Variants in NKAIN3 observed in about 807,000 individuals in gnomAD.
NKAIN3 encodes sodium/potassium-transporting ATPase subunit beta-1-interacting protein 3.
NKAIN3 carries 25 observed loss-of-function variants against 30.2 expected under a neutral mutation model. The ratio of observed to expected loss-of-function variants is 0.83; its 90% CI spans 0.60 to 1.16. The LOEUF is 1.16. NKAIN3 is among the 50% of genes most tolerant of loss of function. NKAIN3 has a pLI of 0.00. For missense variants in NKAIN3, 225 were observed against 254.1 expected (o/e 0.89, Z 0.78); for synonymous variants, 91 against 89.6 (o/e 1.02, Z -0.09).
intron 3 of NKAIN3, among the ~76,000 whole-genome samples, chr8:62,732,847 C>T (rs1471027077): frequency 6.6e-6 from 1 of 151,974 alleles, no homozygotes; most frequent in East Asian, 1.9e-4. Context: ...ACTTTCAATA[C>T]TTCTGTGTCC....
intron 1 of NKAIN3, among the ~76,000 whole-genome samples, chr8:62,456,352 C>T (rs1218393105): frequency 6.6e-6 from 1 of 151,952 alleles, no homozygotes; most frequent in Non-Finnish European, 1.5e-5. Flanking sequence ...AACCCCATCT[C>T]TACTAAAAAT....
At chr8:62,772,907 C>T (rs1290913010) in intron 4 of NKAIN3, among the ~76,000 whole-genome samples, 2 of 152,132 alleles carry the variant, frequency 1.3e-5, no homozygotes, top group African/African-American at 4.8e-5. Context: ...GATCTACCCA[C>T]CTCACCCTCC....
At chr8:62,870,214 A>ATATATATCTATATCTATATATAGATATC (rs1820559626) in intron 4 of NKAIN3, among the ~76,000 whole-genome samples, 2 of 67,390 alleles carry the variant, frequency 3.0e-5, no homozygotes, top group African/African-American at 1.2e-4. Context: ...TTTTGTATAT[A>ATATATATCTATATCTATATATAGATATC]TATATCTATA....
chr8:62,552,813 T>G lies in NKAIN3; in HGVS notation c.55-26726T>G, dbSNP rs138484620. 7.2e-4 allele frequency among the ~76,000 whole-genome samples: 109 copies of G among 152,314 alleles called. 1 individual carries two copies. In the Middle Eastern group the frequency reaches 0.024, roughly 33 times the overall value. ...TGTGCCCTAATGTGCAACAACACAA[T>G]CACTAGAAGGTGATTCTGAAAGCAG... On this transcript the variant is annotated intron_variant, in intron 1 of 6. Transcript: ENST00000623646.
At chr8:62,673,438 T>G (rs1813372949) in intron 3 of NKAIN3, among the ~76,000 whole-genome samples, 1 of 152,174 alleles carries the variant, frequency 6.6e-6, no homozygotes, top group Admixed American at 6.5e-5. Flanking sequence ...TCTTTATGAC[T>G]TGCCACACAT....
intron 3 of NKAIN3, among the ~76,000 whole-genome samples, chr8:62,643,579 C>T (rs988288524): frequency 6.6e-6 from 1 of 152,130 alleles, no homozygotes; most frequent in African/African-American, 2.4e-5. Flanking sequence ...TGGATCCCCT[C>T]TCCACATTCC....
intron 3 of NKAIN3, among the ~76,000 whole-genome samples, chr8:62,716,371 G>GAT (rs1349687511): frequency 3.3e-5 from 5 of 152,150 alleles, no homozygotes; most frequent in Non-Finnish European, 7.4e-5. Context: ...AGCAGTGAAG[G>GAT]ATAGGGGTTA....
At chr8:62,265,901 C>T (rs1446907321) in intron 1 of NKAIN3, among the ~76,000 whole-genome samples, 2 of 152,060 alleles carry the variant, frequency 1.3e-5, no homozygotes, top group African/African-American at 4.8e-5. Flanking sequence ...GGTGTGATTC[C>T]TGCATTTATC....
At chr8:62,604,447 T>C (rs980263854) in intron 3 of NKAIN3, among the ~76,000 whole-genome samples, 2 of 152,146 alleles carry the variant, frequency 1.3e-5, no homozygotes, top group African/African-American at 4.8e-5. Flanking sequence ...CATCCAGCTG[T>C]CTATGCTCAC....
intron 4 of NKAIN3, among the ~76,000 whole-genome samples, chr8:62,881,841 G>C (rs1820993634): frequency 6.6e-6 from 1 of 152,180 alleles, no homozygotes; most frequent in South Asian, 2.1e-4. Context: ...GGACCATTTT[G>C]TATTCCCACC....
intron 1 of NKAIN3, among the ~76,000 whole-genome samples, chr8:62,420,796 A>C (rs1257537874): frequency 6.6e-6 from 1 of 152,208 alleles, no homozygotes; most frequent in South Asian, 2.1e-4. Context: ...ATAAATTTAC[A>C]CAAATCATAA....
chr8:62,870,620 A>G (rs2130801001), intron 4 of NKAIN3, among the ~76,000 whole-genome samples: 1 of 101,860 alleles, frequency 9.8e-6, no homozygotes, highest in South Asian at 3.1e-4. Context: ...CAATATATAT[A>G]CAAAATAAAC....
rs190833019 is a variant in NKAIN3, at chr8:62,598,419, A to G, written c.273+8625A>G. Among the ~76,000 whole-genome samples, 110 of 152,168 alleles carry G rather than the reference A, an allele frequency of 7.2e-4. 1 individual carries two copies. The Middle Eastern group carries it at 0.02, about 28-fold the overall frequency. On this transcript the variant is annotated intron_variant, in intron 3 of 6. Coordinates refer to ENST00000623646, the MANE Select transcript of NKAIN3 (RefSeq NM_001304533.3). ...TCATGAGTGCCTAAGCGAAACCCAT[A>G]GAGGGAGGGTGGGGACATAACTCCA...
chr8:62,951,123 A>C (rs975285386), intron 5 of NKAIN3, among the ~76,000 whole-genome samples: 1 of 152,042 alleles, frequency 6.6e-6, no homozygotes. Context: ...CTTGGATAGG[A>C]GTAGTGGAGA....
At chr8:62,958,852 A>T (rs1823492473) in intron 6 of NKAIN3, among the ~76,000 whole-genome samples, 1 of 152,184 alleles carries the variant, frequency 6.6e-6, no homozygotes, top group Non-Finnish European at 1.5e-5. Context: ...TTTATCAAAG[A>T]AGGACAGCAG....
intron 1 of NKAIN3, among the ~76,000 whole-genome samples, chr8:62,412,921 A>AC (rs777829682): frequency 2.4e-5 from 2 of 81,636 alleles, no homozygotes; most frequent in Non-Finnish European, 5.2e-5. Flanking sequence ...AAAAAAAAAA[A>AC]CAAAAAAAAA....
At chr8:62,457,075 A>C (rs1406619366) in intron 1 of NKAIN3, among the ~76,000 whole-genome samples, 2 of 152,218 alleles carry the variant, frequency 1.3e-5, no homozygotes, top group African/African-American at 4.8e-5. Context: ...GTAGGTGCTT[A>C]AGTAATATTT....
At chr8:62,573,312 A>T (rs534433258) in intron 1 of NKAIN3, among the ~76,000 whole-genome samples, 2 of 152,342 alleles carry the variant, frequency 1.3e-5, no homozygotes, top group South Asian at 2.1e-4. Context: ...AATATTTTTC[A>T]TGCAGCACCT....
intron 1 of NKAIN3, among the ~76,000 whole-genome samples, chr8:62,301,482 T>C (rs796983874): frequency 1.3e-5 from 2 of 152,208 alleles, no homozygotes; most frequent in East Asian, 1.9e-4. Context: ...TTTGTCTCAT[T>C]TGAACACTGT....
Sources: allele counts gnomAD v4.1 joint callset (sites outside exome capture counted in the v4.1 genomes callset), GRCh38; gene constraint gnomAD v4.1.1; transcripts MANE v1.5; gene names NCBI Gene and HGNC (gene_info 2026-07-23, HGNC 2026-07-21).